The following FHL5 variants were observed in gnomAD, a reference collection of about 807,000 sequenced individuals.
FHL5 encodes the protein four and a half LIM domains protein 5.
FHL5 carries 33 observed loss-of-function variants against 32.0 expected under a neutral mutation model. The ratio of observed to expected loss-of-function variants is 1.03; its 90% CI spans 0.78 to 1.38. The LOEUF (loss-of-function observed/expected upper bound fraction) is 1.38, where lower values mean the gene tolerates loss of function less well. Among genes scored for constraint, FHL5 ranks in the 40% most tolerant of loss-of-function variants. The pLI is 0.00. For synonymous variants in FHL5, 114 were observed against 113.6 expected (o/e 1.00, Z -0.02); for missense variants, 336 against 343.9 (o/e 0.98, Z 0.18).
chr6:96,603,279 C>T (rs185066159), intron 1 of FHL5, among the ~76,000 whole-genome samples: 36 of 152,236 alleles, frequency 2.4e-4, no homozygotes, highest in African/African-American at 8.7e-4. Flanking sequence ...GTAAAACCAT[C>T]CTGTTTCAAC....
Position 96,603,787 on chromosome 6 carries a change from A to G in FHL5, c.159+15A>G, listed in dbSNP as rs771665840. 1.3e-6 allele frequency: 2 copies of G among 1,596,820 alleles called. No homozygotes were observed. Among genetic ancestry groups the G allele is most frequent in the Non-Finnish European group, 1.7e-6 (2 of 1,171,018 alleles). ...CTGATTCTAAGGTAAGTCTCACCTCAATTTACAGAATTACTGCCTATGAAC... is the reference window on the plus strand; with the variant it reads ...CTGATTCTAAGGTAAGTCTCACCTCGATTTACAGAATTACTGCCTATGAAC... On this transcript the variant is annotated intron_variant, in intron 2 of 5. Coordinates refer to ENST00000450218, the MANE Select transcript of FHL5 (RefSeq NM_001322466.2).
At chr6:96,579,578 A>G (rs2127962311) in intron 1 of FHL5, among the ~76,000 whole-genome samples, 1 of 152,294 alleles carries the variant, frequency 6.6e-6, no homozygotes, top group Admixed American at 6.5e-5. Flanking sequence ...GGTAGATTAT[A>G]AATGTCATGA....
At chr6:96,566,659 A>ATTT (rs569064620) in intron 1 of FHL5, among the ~76,000 whole-genome samples, 1 of 147,772 alleles carries the variant, frequency 6.8e-6, no homozygotes, top group African/African-American at 2.5e-5. Context: ...CCTTGTCAGC[A>ATTT]TTTTTTTTTT....
rs770381788 is a variant in FHL5 at position 96,604,769 on chromosome 6, G to T, written c.179G>T (p.Arg60Leu). 6.2e-7 allele frequency: 1 copy of T among 1,610,706 alleles called. No homozygotes were observed. The highest frequency in any genetic ancestry group is 1.3e-5 in the African/African-American group (1 of 74,828). ...TCAAAGGATCTTTGTTACAAAGACC[G>T]GCACTGGCATGAAGGATGCTTCAAG... ...SDSKDLCYKD[R>L]HWHEGCFKCT... is the part of the protein sequence containing the mutation. Residue 60 changes from arginine to leucine, a missense_variant, in exon 3 of 6, where the codon CGG becomes CTG. Coordinates refer to ENST00000450218, the MANE Select transcript of FHL5 (RefSeq NM_001322466.2).
chr6:96,595,422 G>T (rs1334155073), intron 1 of FHL5, among the ~76,000 whole-genome samples: 1 of 151,478 alleles, frequency 6.6e-6, no homozygotes, highest in Non-Finnish European at 1.5e-5. Context: ...TTACTATGAT[G>T]TGTTTGTTTT....
At chr6:96,562,755 C>A (rs770208476), upstream of FHL5, 2 of 152,090 alleles carry the variant, frequency 1.3e-5, no homozygotes, top group Non-Finnish European at 2.9e-5. Flanking sequence ...TTCCAGATGG[C>A]CTCAAAAGGA....
At chr6:96,592,267 CAG>C (rs1770936917) in intron 1 of FHL5, among the ~76,000 whole-genome samples, 1 of 152,146 alleles carries the variant, frequency 6.6e-6, no homozygotes, top group African/African-American at 2.4e-5. Flanking sequence ...GGCCCACCCT[CAG>C]GGGCACATTC....
At chr6:96,607,417 AC>A (rs544868153) in intron 4 of FHL5, among the ~76,000 whole-genome samples, 211 of 151,140 alleles carry the variant, frequency 1.4e-3, no homozygotes, top group African/African-American at 5.1e-3. Context: ...ACACACACAC[AC>A]ACACACACGC....
upstream of FHL5, among the ~76,000 whole-genome samples, chr6:96,562,875 GAT>G (rs2127956145): frequency 6.6e-6 from 1 of 152,254 alleles, no homozygotes; most frequent in South Asian, 2.1e-4. Context: ...GCCAAAAACA[GAT>G]TGAGGAAACA....
chr6:96,590,556 A>T (rs1252875281), intron 1 of FHL5, among the ~76,000 whole-genome samples: 1 of 152,044 alleles, frequency 6.6e-6, no homozygotes, highest in African/African-American at 2.4e-5. Context: ...ACATCAGCAA[A>T]TAATGAGTTT....
rs186885708 is a variant in FHL5, at chr6:96,595,076, A to G, written c.-12-8526A>G. 5.3e-3 allele frequency among the ~76,000 whole-genome samples: 796 copies of G among 151,262 alleles called. 7 individuals carry two copies. The highest frequency in any genetic ancestry group is 5.5e-3 in the Non-Finnish European group (373 of 67,562). ...CTCCTTATTCTTTCTTTTTGTCTTC[A>G]GTTTTCCTAAACCTTCCGTTAGAGA... is the stretch of plus-strand genomic sequence containing the variant. On this transcript the variant is annotated intron_variant, in intron 1 of 5. Coordinates refer to ENST00000450218, the MANE Select transcript of FHL5 (RefSeq NM_001322466.2).
intron 1 of FHL5, among the ~76,000 whole-genome samples, chr6:96,570,134 T>C (rs1312597326): frequency 6.6e-6 from 1 of 152,048 alleles, no homozygotes; most frequent in Non-Finnish European, 1.5e-5. Context: ...TAAGTGAAAA[T>C]CACTTAAGCA....
intron 1 of FHL5, among the ~76,000 whole-genome samples, chr6:96,574,941 A>G (rs1044881456): frequency 6.6e-6 from 1 of 152,180 alleles, no homozygotes; most frequent in African/African-American, 2.4e-5. Context: ...AGAATCCAAA[A>G]AGCTAATAAA....
At chr6:96,594,258 T>C (rs1267774130) in intron 1 of FHL5, among the ~76,000 whole-genome samples, 2 of 118,924 alleles carry the variant, frequency 1.7e-5, no homozygotes, top group Non-Finnish European at 3.8e-5. Flanking sequence ...TATATATATA[T>C]ATATATATAT....
At chr6:96,578,978 G>A (rs375712563) in intron 1 of FHL5, among the ~76,000 whole-genome samples, 135 of 152,236 alleles carry the variant, frequency 8.9e-4, no homozygotes, top group East Asian at 1.5e-3. Flanking sequence ...AGAGAGACTG[G>A]CTGTATTAGT....
chr6:96,612,041 T>A (rs908430981), intron 5 of FHL5, among the ~76,000 whole-genome samples: 3 of 152,226 alleles, frequency 2.0e-5, no homozygotes, highest in African/African-American at 7.2e-5. Flanking sequence ...ATGGAACTCG[T>A]GGCTGTCCAA....
chr6:96,593,067 T>G (rs1177262997), intron 1 of FHL5, among the ~76,000 whole-genome samples: 3 of 152,124 alleles, frequency 2.0e-5, no homozygotes, highest in African/African-American at 7.2e-5. Context: ...TCATCATGCT[T>G]AATTTTATTT....
chr6:96,611,729 C>T (rs1771412878), intron 5 of FHL5, among the ~76,000 whole-genome samples: 1 of 152,158 alleles, frequency 6.6e-6, no homozygotes, highest in Admixed American at 6.5e-5. Flanking sequence ...CATGCACTTT[C>T]CAACCAAAAG....
chr6:96,565,288 C>T (rs1367888999), intron 1 of FHL5, among the ~76,000 whole-genome samples: 1 of 152,074 alleles, frequency 6.6e-6, no homozygotes. Context: ...GCTAGAGAGT[C>T]TCTTTGAAAA....
Sources: allele counts gnomAD v4.1 joint callset (sites outside exome capture counted in the v4.1 genomes callset), GRCh38; gene constraint gnomAD v4.1.1; transcripts MANE v1.5; gene names NCBI Gene and HGNC (gene_info 2026-07-23, HGNC 2026-07-21).